The following KIFC3 variants were observed in gnomAD, a reference collection of about 807,000 sequenced individuals.
KIFC3 encodes the protein kinesin family member C3.
KIFC3 carries 60 observed loss-of-function variants against 101.8 expected under a neutral mutation model. The observed-to-expected ratio is 0.59, with a 90% CI of 0.48 to 0.73. KIFC3 has a LOEUF of 0.73. Ranked by LOEUF, KIFC3 falls within the 30% of genes least tolerant of loss-of-function variation. The pLI, the probability that KIFC3 is intolerant of heterozygous loss-of-function variation, is 0.00. For missense variants in KIFC3, 966 were observed against 1,137.1 expected, an observed-to-expected ratio of 0.85 and a Z score of 2.16; for synonymous variants, 476 against 482.7, an observed-to-expected ratio of 0.99 and a Z score of 0.18.
At chr16:57,815,751 C>A in intron 1 of KIFC3, 1 of 953,158 alleles carries the variant, frequency 1.0e-6, no homozygotes, top group Non-Finnish European at 1.4e-6. Flanking sequence ...GCTTGTCCCA[C>A]GGCCAAGTTG....
rs868950016 is a variant in KIFC3, at chr16:57,770,652, G to T, written c.814C>A (p.Leu272Ile). ...EVESSKTKQALSESQARNQHL... is the reference protein window; with the variant it reads ...EVESSKTKQAISESQARNQHL... Reference sequence around the variant, plus strand: ...TGGTTCCGGGCCTGGGACTCGCTGAGGGCCTGCTTGGTCTTGGACGACTCC... The same window carrying T: ...TGGTTCCGGGCCTGGGACTCGCTGATGGCCTGCTTGGTCTTGGACGACTCC... The change falls in exon 7 of 20, where the codon CTC (leucine) becomes ATC (isoleucine). Residue 272 changes from leucine (L) to isoleucine (I), a missense_variant. Around this residue, in one of 2 missense-constraint regions of KIFC3, gnomAD observed 689 missense variants for 884.6 expected, o/e 0.78. Coordinates refer to ENST00000445690, the MANE Select transcript of KIFC3 (RefSeq NM_001130100.2). 6.4e-7 allele frequency: 1 copy of T among 1,559,058 alleles called. No homozygotes were observed. Among genetic ancestry groups the T allele is most frequent in the East Asian group, 2.4e-5 (1 of 42,252 alleles).
chr16:57,812,344 C>A (rs1223129629), intron 1 of KIFC3, among the ~76,000 whole-genome samples: 1 of 107,108 alleles, frequency 9.3e-6, no homozygotes, highest in Non-Finnish European at 2.1e-5. Context: ...GCCCAGCCCC[C>A]CATCTCTTAA....
At chr16:57,823,389 G>A in intron 1 of KIFC3, among the ~76,000 whole-genome samples, 1 of 152,140 alleles carries the variant, frequency 6.6e-6, no homozygotes, top group East Asian at 1.9e-4. Flanking sequence ...AGCAAGCTGT[G>A]CCCTGACTAC....
rs782002413 is a variant in KIFC3, at chr16:57,816,820, C to A, written c.109-18538G>T. Reference sequence around the variant, plus strand: ...AACCAAGACCAGGGAACCCATCCCACCCCCAGTAAGACTTGAGGCCAGGGA... The same window carrying A: ...AACCAAGACCAGGGAACCCATCCCAACCCCAGTAAGACTTGAGGCCAGGGA... On this transcript the variant is annotated intron_variant, in intron 1 of 2. Transcript: ENST00000563028. 6.7e-6 allele frequency: 3 copies of A among 450,618 alleles called. No homozygotes were observed. The Admixed American group carries it at 7.1e-5, about 11-fold the overall frequency. The allele number at this position is 450,618 out of a possible 1,614,324, so 27.9% of individuals were successfully genotyped here.
chr16:57,860,583 C>T (rs1444954566), intron 1 of KIFC3, among the ~76,000 whole-genome samples: 1 of 152,156 alleles, frequency 6.6e-6, no homozygotes, highest in Non-Finnish European at 1.5e-5. Flanking sequence ...GCTCTTAGAT[C>T]TCACTTTCTT....
intron 1 of KIFC3, among the ~76,000 whole-genome samples, chr16:57,858,565 A>G (rs1017015606): frequency 9.2e-5 from 14 of 152,150 alleles, no homozygotes; most frequent in Non-Finnish European, 1.8e-4. Context: ...CTCCAGGTGT[A>G]TAATTGCATG....
chr16:57,862,857 C>T (rs985142301), exon 1 of KIFC3: 3 of 1,179,732 alleles, frequency 2.5e-6, no homozygotes, highest in Non-Finnish European at 3.4e-6. Context: ...ATACGTTTTA[C>T]TGGGTTGTCC....
chr16:57,776,250 C>A, intron 3 of KIFC3: 1 of 985,482 alleles, frequency 1.0e-6, no homozygotes, highest in Non-Finnish European at 1.2e-6. Context: ...CTCAAGGAAA[C>A]TCAGCCCAGA....
At chr16:57,778,596 T>G (rs1056433449) in intron 3 of KIFC3, among the ~76,000 whole-genome samples, 1 of 152,064 alleles carries the variant, frequency 6.6e-6, no homozygotes, top group East Asian at 1.9e-4. Flanking sequence ...CAAACCCAAT[T>G]TAAGAATGAG....
intron 3 of KIFC3, among the ~76,000 whole-genome samples, chr16:57,778,975 G>C (rs2052425645): frequency 6.6e-6 from 1 of 152,198 alleles, no homozygotes; most frequent in Non-Finnish European, 1.5e-5. Flanking sequence ...CGTGTGCACT[G>C]TTAGTGGGAA....
chr16:57,776,634 A>G lies in KIFC3; in HGVS notation c.316-4346T>C, dbSNP rs1378475685. 2.6e-5 allele frequency: 4 copies of G among 155,632 alleles called. No individual in the cohort carries two copies. The East Asian group carries it at 7.7e-4, about 30-fold the overall frequency. 9.6% of individuals were successfully genotyped at this position (155,632 alleles called of 1,614,324 possible). Reference sequence around the variant, plus strand: ...GGGATTTTTGTCTGTTGTGTTCAGCACTGTACTCCCAGTGCCTGGAACAGT... The same window carrying G: ...GGGATTTTTGTCTGTTGTGTTCAGCGCTGTACTCCCAGTGCCTGGAACAGT... On this transcript the variant is annotated intron_variant, in intron 3 of 19. Transcript: ENST00000445690.
intron 1 of KIFC3, among the ~76,000 whole-genome samples, chr16:57,812,659 G>A (rs532539766): frequency 5.9e-5 from 9 of 152,316 alleles, no homozygotes; most frequent in African/African-American, 1.2e-4. Flanking sequence ...GAGGTGGAGC[G>A]GGAGAGACCC....
Position 57,766,886 on chromosome 16 carries a change from C to T in KIFC3, c.1318G>A (p.Val440Met), listed in dbSNP as rs1597918940. The change falls in exon 10 of 20, where the codon GTG (valine) becomes ATG (methionine). Residue 440 changes from valine (V) to methionine (M), a missense_variant. Transcript: ENST00000445690. The part of the protein sequence containing the change: ...QLRKKCHNEL[V>M]RLKGNIRVIA... ...CTCCTGCAGTCACCTTTCAGCCGCACGAGCTCATTGTGGCACTTCTTACGC... is the reference window on the plus strand; with the variant it reads ...CTCCTGCAGTCACCTTTCAGCCGCATGAGCTCATTGTGGCACTTCTTACGC... 5.0e-6 allele frequency: 8 copies of T among 1,609,400 alleles called. No homozygotes were observed. The highest frequency in any genetic ancestry group is 5.9e-6 in the Non-Finnish European group (7 of 1,179,562).
intron 1 of KIFC3, among the ~76,000 whole-genome samples, chr16:57,852,358 A>C (rs8060399): frequency 0.049 from 7,506 of 151,974 alleles, 234 homozygotes; most frequent in Middle Eastern, 0.099. Flanking sequence ...GAAGTGAATC[A>C]CCCCACCTCC....
intron 3 of KIFC3, among the ~76,000 whole-genome samples, chr16:57,789,077 G>A (rs914262971): frequency 4.6e-5 from 7 of 152,206 alleles, no homozygotes; most frequent in South Asian, 4.1e-4. Flanking sequence ...ACAGGCAACC[G>A]TCCAGTCCCA....
At chr16:57,849,794 T>C (rs1362039758) in intron 1 of KIFC3, among the ~76,000 whole-genome samples, 1 of 152,072 alleles carries the variant, frequency 6.6e-6, no homozygotes. Context: ...TCCCAGCTAC[T>C]TGGGAGGCTG....
upstream of KIFC3, among the ~76,000 whole-genome samples, chr16:57,804,528 AG>A (rs57932703): frequency 4.0e-3 from 606 of 152,354 alleles, 2 homozygotes; most frequent in African/African-American, 0.014. Flanking sequence ...TTGAAGTGTA[AG>A]GAGGTTGTAT....
chr16:57,830,228 TTTTC>T (rs1339779500), intron 1 of KIFC3, among the ~76,000 whole-genome samples: 7 of 148,186 alleles, frequency 4.7e-5, no homozygotes, highest in Admixed American at 2.1e-4. Context: ...TTCCTTTCTT[TTTTC>T]TTTCTTTTTT....
chr16:57,810,467 A>G (rs1248491682), intron 1 of KIFC3, among the ~76,000 whole-genome samples: 1 of 152,184 alleles, frequency 6.6e-6, no homozygotes, highest in African/African-American at 2.4e-5. Context: ...CACAGCTCTC[A>G]GTGCTGAGTC....
Sources: gnomAD v4.1 joint callset for allele counts (sites outside exome capture counted in the v4.1 genomes callset) on GRCh38, gnomAD v4.1.1 for gene constraint, gnomAD v4.1.1 regional missense constraint, MANE v1.5 for transcripts, NCBI Gene and HGNC (gene_info 2026-07-23, HGNC 2026-07-21) for gene names.